SAMD15: variants seen among roughly 807,000 people sequenced by gnomAD.
The protein encoded by SAMD15 is sterile alpha motif domain containing 15.
In SAMD15, 37 loss-of-function variants were observed where a neutral mutation model predicts 50.5. The observed-to-expected ratio is 0.73, with a 90% CI of 0.56 to 0.96. SAMD15 has a LOEUF of 0.96. Ranked by LOEUF, SAMD15 falls within the 40% of genes least tolerant of loss-of-function variation. The pLI is 0.00. For missense variants in SAMD15, 789 were observed against 783.8 expected (o/e 1.01, Z -0.08); for synonymous variants, 255 against 282.8 (o/e 0.90, Z 0.99).
rs185323285 is a variant in SAMD15 at position 77,391,594 on chromosome 14, C to T, written c.*350C>T. 22 of 178,634 alleles carry T rather than the reference C, an allele frequency of 1.2e-4. 1 individual carries two copies. In the East Asian group the frequency reaches 3.2e-3, roughly 26 times the overall value. 11.1% of individuals were successfully genotyped at this position (178,634 alleles called of 1,614,324 possible). ...CGTCCCAAAGTGCTGGGATTACAAGCGTGACCTACCGCACCTGGCCCTTTT... is the reference window on the plus strand; with the variant it reads ...CGTCCCAAAGTGCTGGGATTACAAGTGTGACCTACCGCACCTGGCCCTTTT... On this transcript the variant is annotated 3_prime_UTR_variant, in exon 3 of 3. Coordinates refer to ENST00000216471, the MANE Select transcript of SAMD15 (RefSeq NM_001010860.4).
intron 1 of SAMD15, 24 bp from the exon 2 acceptor site, chr14:77,380,359 G>T: frequency 6.9e-7 from 1 of 1,452,538 alleles, no homozygotes; most frequent in Non-Finnish European, 9.7e-7. Context: ...CATTTTTTAA[G>T]TGATGTCCTT....
At chr14:77,382,403 G>A (rs1264301514) in intron 2 of SAMD15, among the ~76,000 whole-genome samples, 9 of 152,120 alleles carry the variant, frequency 5.9e-5, no homozygotes, top group African/African-American at 1.7e-4. Context: ...GACTACAGGC[G>A]TGAGCCACCG....
chr14:77,386,791 A>G (rs1894010197), intron 2 of SAMD15, among the ~76,000 whole-genome samples: 4 of 152,236 alleles, frequency 2.6e-5, no homozygotes, highest in Admixed American at 1.3e-4. Flanking sequence ...CCAATACACA[A>G]TAAATTGGTG....
At position 77,379,094 on chromosome 14, in the gene SAMD15, T is replaced by A. The variant is rs762931195; in HGVS notation, c.1676T>A (p.Phe559Tyr). 6.2e-7 allele frequency: 1 copy of A among 1,613,272 alleles called. No homozygotes were observed. Among genetic ancestry groups the A allele is most frequent in the Non-Finnish European group, 8.5e-7 (1 of 1,179,496 alleles). The part of the protein sequence containing the change: ...EVAEWISQLG[F>Y]PQYKECFITN... The stretch of plus-strand genomic sequence containing the variant: ...GCAGAGTGGATTAGCCAGCTAGGCT[T>A]CCCTCAATACAAGGTATACAAAAAT... The change falls in exon 1 of 3, where the codon TTC becomes TAC. Residue 559 changes from phenylalanine to tyrosine, a missense_variant. Transcript: ENST00000216471.
intron 2 of SAMD15, among the ~76,000 whole-genome samples, chr14:77,384,016 C>CTAAGACACAG (rs1773556304): frequency 6.8e-6 from 1 of 146,572 alleles, no homozygotes; most frequent in Non-Finnish European, 1.5e-5. Flanking sequence ...TGATTATGCT[C>CTAAGACACAG]TAAGACACAG....
Position 77,378,189 on chromosome 14 carries a change from C to T in SAMD15, c.771C>T (p.Pro257=), listed in dbSNP as rs765299548. 12 of 1,613,784 alleles carry T rather than the reference C, an allele frequency of 7.4e-6. No individual in the cohort carries two copies. The highest frequency in any genetic ancestry group is 3.3e-5 in the Admixed American group (2 of 59,978). ...ESTEKKRTEP[P]EQARLEFLEK... ...CTGAGAAGAAAAGGACAGAGCCACC[C>T]GAGCAGGCTAGACTGGAATTTCTGG... Residue 257 remains proline (P), a synonymous_variant, in exon 1 of 3, where the codon CCC becomes CCT. Transcript: ENST00000216471.
At position 77,391,110 on chromosome 14, in the gene SAMD15, CA is replaced by C; in HGVS notation, c.1896del (p.Gly633ValfsTer5). On this transcript the variant is annotated frameshift_variant, in exon 3 of 3. Transcript: ENST00000216471. LOFTEE classifies it low-confidence loss of function (END_TRUNC). ...GGATATTATCGGCTTATATTTAGAG[CA>C]AAAAGGTCATACTGGGATAAAATCT... ...YRDIIGLYLE[Q>X]KGHTGIKSDS... The C allele has an allele frequency of 6.2e-7, 1 of 1,613,594 alleles. No individual in the cohort carries two copies. The highest frequency in any genetic ancestry group is 8.5e-7 in the Non-Finnish European group (1 of 1,179,646).
rs1322715330 is a variant in SAMD15, at chr14:77,378,671, A to C, written c.1253A>C (p.Glu418Ala). The C allele has an allele frequency of 1.7e-5, 28 of 1,614,204 alleles. No homozygotes were observed. Among genetic ancestry groups the C allele is most frequent in the Non-Finnish European group, 2.3e-5 (27 of 1,180,034 alleles). ...DETKPRETHV[E>A]FSKEDRPEPI... is the part of the protein sequence containing the mutation. ...ACCAAACCAAGGGAGACACATGTAGAATTTTCCAAGGAAGACAGGCCAGAA... is the reference window on the plus strand; with the variant it reads ...ACCAAACCAAGGGAGACACATGTAGCATTTTCCAAGGAAGACAGGCCAGAA... Residue 418 changes from glutamate (E) to alanine (A), a missense_variant, in exon 1 of 3, where the codon GAA (glutamate) becomes GCA (alanine). Physicochemically the swap from Glu to Ala is moderately radical, Grantham distance 107 (BLOSUM62 -1). Transcript: ENST00000216471.
chr14:77,382,209 C>T (rs1315867972), intron 2 of SAMD15, among the ~76,000 whole-genome samples: 1 of 151,610 alleles, frequency 6.6e-6, no homozygotes, highest in African/African-American at 2.4e-5. Context: ...ATTGCAACCT[C>T]CACCTCCCGG....
At chr14:77,384,547 G>A (rs1479366762) in intron 2 of SAMD15, among the ~76,000 whole-genome samples, 1 of 152,036 alleles carries the variant, frequency 6.6e-6, no homozygotes, top group Non-Finnish European at 1.5e-5. Context: ...ACCATTGGGG[G>A]CTCTTTTAAA....
chr14:77,378,897 A>G lies in SAMD15; in HGVS notation c.1479A>G (p.Ser493=). ...TGCTTAATGTCAGTGAAGAATGCTC[A>G]TACTCAGATCCCTCAGAGTCTCAGA... ...QKLLNVSEEC[S]YSDPSESQTE... Residue 493 remains serine, a synonymous_variant, in exon 1 of 3, where the codon TCA becomes TCG. Coordinates refer to ENST00000216471, the MANE Select transcript of SAMD15 (RefSeq NM_001010860.4). The G allele has an allele frequency of 1.2e-6, 2 of 1,614,124 alleles. No homozygotes were observed. Among genetic ancestry groups the G allele is most frequent in the Non-Finnish European group, 1.7e-6 (2 of 1,179,992 alleles).
chr14:77,379,505 C>A (rs961475428), intron 1 of SAMD15, among the ~76,000 whole-genome samples: 4 of 152,070 alleles, frequency 2.6e-5, no homozygotes, highest in Admixed American at 2.6e-4. Context: ...CCTGCCTCAA[C>A]CTCCTGAGTA....
In SAMD15 at chr14:77,391,832, T is replaced by G. The variant is rs145476554; in HGVS notation, c.*588T>G. Reference sequence around the variant, plus strand: ...TCTTTGGGTGGCTGAGGCGGGCAGATCACCTAAGGTCAGGATTTCAAGACC... The same window carrying G: ...TCTTTGGGTGGCTGAGGCGGGCAGAGCACCTAAGGTCAGGATTTCAAGACC... On this transcript the variant is annotated 3_prime_UTR_variant, in exon 3 of 3. Coordinates refer to ENST00000216471, the MANE Select transcript of SAMD15 (RefSeq NM_001010860.4). Among the ~76,000 whole-genome samples the G allele has an allele frequency of 7.8e-4, 118 of 152,100 alleles. 1 individual carries two copies. The highest frequency in any genetic ancestry group is 1.5e-3 in the Non-Finnish European group (99 of 67,992).
intron 2 of SAMD15, among the ~76,000 whole-genome samples, chr14:77,389,172 C>T (rs997830879): frequency 1.3e-5 from 2 of 152,028 alleles, no homozygotes; most frequent in African/African-American, 4.8e-5. Context: ...CAACTATACC[C>T]ATAAATCATC....
chr14:77,384,342 T>C (rs947028962), intron 2 of SAMD15, among the ~76,000 whole-genome samples: 2 of 152,228 alleles, frequency 1.3e-5, no homozygotes, highest in African/African-American at 4.8e-5. Flanking sequence ...GGCCATTTTC[T>C]GTTATCTTCT....
rs746161145 is a variant in SAMD15, at chr14:77,391,860, C to T, written c.*616C>T. ...CCTAAGGTCAGGATTTCAAGACCAG[C>T]CTGGCCAACAAGGTGAAGCCCTGTC... On this transcript the variant is annotated 3_prime_UTR_variant, in exon 3 of 3. Transcript: ENST00000216471. Among the ~76,000 whole-genome samples, 4 of 152,056 alleles carry T rather than the reference C, an allele frequency of 2.6e-5. No homozygotes were observed. Among genetic ancestry groups the T allele is most frequent in the Admixed American group, 6.6e-5 (1 of 15,256 alleles).
rs746860665 is a variant in SAMD15, at chr14:77,391,238, A to C, written c.2019A>C (p.Glu673Asp). The C allele has an allele frequency of 6.3e-7, 1 of 1,590,424 alleles. No individual in the cohort carries two copies. Residue 673 changes from glutamate (E) to aspartate (D), a missense_variant, in exon 3 of 3, where the codon GAA becomes GAC. Physicochemically the swap from Glu to Asp is conservative, Grantham distance 45. This residue lies in a region of SAMD15 where 19 missense variants were observed against 38.3 expected (regional missense o/e 0.50). Coordinates refer to ENST00000216471, the MANE Select transcript of SAMD15 (RefSeq NM_001010860.4). ...AGAATGAGGAATTACCTTGCACTGA[A>C]CCATAGGGGAAATCCACTTCACAGA... ...PEENEELPCT[E>D]P is the part of the protein sequence containing the mutation.
intron 2 of SAMD15, among the ~76,000 whole-genome samples, chr14:77,383,860 C>T (rs1893973971): frequency 1.3e-5 from 2 of 151,010 alleles, no homozygotes; most frequent in African/African-American, 4.9e-5. Flanking sequence ...GTCCTAGCTA[C>T]TTGGGAGGCT....
intron 2 of SAMD15, among the ~76,000 whole-genome samples, chr14:77,382,471 C>G (rs1364422564): frequency 6.6e-6 from 1 of 152,126 alleles, no homozygotes; most frequent in Non-Finnish European, 1.5e-5. Flanking sequence ...ATTGGCCAGG[C>G]TGGTCTCAAA....
Sources: gnomAD v4.1 joint callset for allele counts (sites outside exome capture counted in the v4.1 genomes callset) on GRCh38, gnomAD v4.1.1 for gene constraint, gnomAD v4.1.1 regional missense constraint, MANE v1.5 for transcripts, NCBI Gene and HGNC (gene_info 2026-07-23, HGNC 2026-07-21) for gene names.